Variants in TMEM178B observed in about 807,000 individuals in gnomAD.
The protein encoded by TMEM178B is transmembrane protein 178B.
TMEM178B carries 5 observed loss-of-function variants against 31.0 expected under a neutral mutation model. The ratio of observed to expected loss-of-function variants is 0.16; its 90% CI spans 0.08 to 0.34. The LOEUF is 0.34. TMEM178B is among the 10% of genes least tolerant of loss of function. The pLI is 1.00. For synonymous variants in TMEM178B, 164 were observed against 164.0 expected (o/e 1.00, Z 0.00); for missense variants, 275 against 400.3 (o/e 0.69, Z 2.67).
chr7:141,301,455 T>C (rs75250159), intron 2 of TMEM178B, among the ~76,000 whole-genome samples: 3,340 of 152,278 alleles, frequency 0.022, 58 homozygotes, highest in Non-Finnish European at 0.031. Flanking sequence ...GTGGGTGATA[T>C]TTGTAAATTT....
intron 2 of TMEM178B, among the ~76,000 whole-genome samples, chr7:141,370,360 T>C (rs1800093988): frequency 6.6e-6 from 1 of 152,226 alleles, no homozygotes; most frequent in Non-Finnish European, 1.5e-5. Context: ...AGGGCTGGGC[T>C]GAGCTACTCT....
chr7:141,502,065 G>A, the TMEM178B span, among the ~76,000 whole-genome samples: 1 of 151,992 alleles, frequency 6.6e-6, no homozygotes, highest in Non-Finnish European at 1.5e-5. Flanking sequence ...CTCTTGATCC[G>A]AACCCTTCCC....
intron 3 of TMEM178B, 61 bp downstream of exon 3, chr7:141,437,806 G>C: frequency 6.5e-7 from 1 of 1,531,142 alleles, no homozygotes; most frequent in South Asian, 1.2e-5. Context: ...CCACAATTTG[G>C]GGAGAATGGC....
At chr7:141,128,662 G>A (rs940168968) in intron 1 of TMEM178B, among the ~76,000 whole-genome samples, 1 of 152,076 alleles carries the variant, frequency 6.6e-6, no homozygotes, top group East Asian at 1.9e-4. Context: ...CATCTGGAGG[G>A]CAGAATTCCG....
intron 1 of TMEM178B, among the ~76,000 whole-genome samples, chr7:141,198,440 T>G (rs1796821053): frequency 6.6e-6 from 1 of 152,242 alleles, no homozygotes; most frequent in Admixed American, 6.5e-5. Context: ...TTTACTTTTC[T>G]CTGAAGAAGC....
the TMEM178B span, among the ~76,000 whole-genome samples, chr7:141,488,603 C>T: frequency 6.6e-6 from 1 of 152,062 alleles, no homozygotes; most frequent in East Asian, 1.9e-4. Context: ...CCATGGCCAG[C>T]TAATTGTTGC....
chr7:141,448,031 G>A (rs112216191), intron 3 of TMEM178B, among the ~76,000 whole-genome samples: 5,926 of 151,550 alleles, frequency 0.039, 152 homozygotes, highest in Non-Finnish European at 0.06. Flanking sequence ...ACCAGATCTC[G>A]TCTCTATTCT....
At chr7:141,424,978 C>A (rs1343599519) in intron 2 of TMEM178B, among the ~76,000 whole-genome samples, 1 of 152,212 alleles carries the variant, frequency 6.6e-6, no homozygotes, top group Non-Finnish European at 1.5e-5. Context: ...AAGACACCTT[C>A]CCAGAGCTGC....
intron 2 of TMEM178B, 173 bp downstream of exon 2, chr7:141,212,877 C>T (rs1210318480): frequency 1.9e-6 from 1 of 534,470 alleles, no homozygotes; most frequent in Non-Finnish European, 3.3e-6. Flanking sequence ...GTTTTGATTG[C>T]ATTATAAATT....
At chr7:141,280,148 G>C (rs1465077065) in intron 2 of TMEM178B, among the ~76,000 whole-genome samples, 1 of 152,190 alleles carries the variant, frequency 6.6e-6, no homozygotes, top group African/African-American at 2.4e-5. Context: ...TCCCTGTCTG[G>C]ACTCCATTCA....
chr7:141,505,268 A>G, the TMEM178B span, among the ~76,000 whole-genome samples: 4 of 152,264 alleles, frequency 2.6e-5, no homozygotes, highest in Non-Finnish European at 4.4e-5. Flanking sequence ...GCTAAAAAGC[A>G]TCCACCACTG....
At chr7:141,347,454 CT>C (rs534462039) in intron 2 of TMEM178B, among the ~76,000 whole-genome samples, 131 of 152,262 alleles carry the variant, frequency 8.6e-4, no homozygotes, top group Middle Eastern at 6.8e-3. Flanking sequence ...GCTGGTTTTC[CT>C]TTGGTGTGGG....
chr7:141,325,415 G>T (rs1799172280), intron 2 of TMEM178B, among the ~76,000 whole-genome samples: 1 of 152,114 alleles, frequency 6.6e-6, no homozygotes, highest in Admixed American at 6.5e-5. Context: ...CACCCCAGGA[G>T]CTGCCTACCC....
At chr7:141,084,915 A>G (rs1007550060) in intron 1 of TMEM178B, among the ~76,000 whole-genome samples, 6 of 152,024 alleles carry the variant, frequency 3.9e-5, no homozygotes, top group East Asian at 1.9e-4. Context: ...GTCTTACTCT[A>G]TTGCCCAGGC....
chr7:141,354,908 C>A (rs555246097), intron 2 of TMEM178B, among the ~76,000 whole-genome samples: 1 of 152,194 alleles, frequency 6.6e-6, no homozygotes, highest in African/African-American at 2.4e-5. Context: ...TTTTGAATAT[C>A]CTGTTTAGCA....
At chr7:141,441,935 G>A (rs535026733) in intron 3 of TMEM178B, among the ~76,000 whole-genome samples, 1 of 152,322 alleles carries the variant, frequency 6.6e-6, no homozygotes, top group South Asian at 2.1e-4. Context: ...TGCTCAACCA[G>A]GAGGCCGGGG....
chr7:141,453,594 G>A (rs927205874), intron 3 of TMEM178B, among the ~76,000 whole-genome samples: 1 of 152,250 alleles, frequency 6.6e-6, no homozygotes, highest in African/African-American at 2.4e-5. Context: ...CCCATGACAA[G>A]TGCTATAACA....
intron 2 of TMEM178B, among the ~76,000 whole-genome samples, chr7:141,227,795 C>CT (rs1424927485): frequency 6.6e-6 from 1 of 152,124 alleles, no homozygotes; most frequent in Non-Finnish European, 1.5e-5. Flanking sequence ...TTTTAGGGGA[C>CT]AGCAGGGATT....
At chr7:141,358,642 C>T (rs754943729) in intron 2 of TMEM178B, among the ~76,000 whole-genome samples, 1 of 151,960 alleles carries the variant, frequency 6.6e-6, no homozygotes, top group Non-Finnish European at 1.5e-5. Context: ...AGTTTCCCAA[C>T]TTTTCTTAAT....
Sources: allele counts gnomAD v4.1 joint callset (sites outside exome capture counted in the v4.1 genomes callset), GRCh38; gene constraint gnomAD v4.1.1; transcripts MANE v1.5; gene names NCBI Gene and HGNC (gene_info 2026-07-23, HGNC 2026-07-21).